ARSG: variants seen among roughly 807,000 people sequenced by gnomAD.
ARSG encodes the protein arylsulfatase G.
ARSG carries 37 observed loss-of-function variants against 50.5 expected under a neutral mutation model. The ratio of observed to expected loss-of-function variants is 0.73; its 90% CI spans 0.56 to 0.96. ARSG has a LOEUF of 0.96. Ranked by LOEUF, ARSG falls within the 50% of genes least tolerant of loss-of-function variation. The probability of loss-of-function intolerance (pLI) is 0.00; values close to 1 mark genes in which losing one functional copy is unlikely to be tolerated. For missense variants in ARSG, 629 were observed against 675.3 expected, an observed-to-expected ratio of 0.93 and a Z score of 0.76; for synonymous variants, 225 against 254.6, an observed-to-expected ratio of 0.88 and a Z score of 1.11.
intron 6 of ARSG, among the ~76,000 whole-genome samples, chr17:68,361,254 G>A (rs2079271973): frequency 6.6e-6 from 1 of 152,232 alleles, no homozygotes; most frequent in South Asian, 2.1e-4. Context: ...ATAAGATCAT[G>A]AGAGTGAAGC....
the ARSG span, among the ~76,000 whole-genome samples, chr17:68,451,459 A>T: frequency 1.3e-5 from 2 of 152,216 alleles, no homozygotes; most frequent in African/African-American, 4.8e-5. Flanking sequence ...AACACTAGTG[A>T]CTAGACTGCA....
chr17:68,392,697 G>A (rs533416760), intron 9 of ARSG, among the ~76,000 whole-genome samples: 9 of 152,140 alleles, frequency 5.9e-5, no homozygotes, highest in Admixed American at 1.3e-4. Flanking sequence ...ACAGGGTTTC[G>A]CCATGTTGGC....
Position 68,395,161 on chromosome 17 carries a change from G to A in ARSG, c.1180G>A (p.Val394Met), listed in dbSNP as rs754288324. The change falls in exon 10 of 12, where the codon GTG becomes ATG. Residue 394 changes from valine (V) to methionine (M), a missense_variant. Coordinates refer to ENST00000621439, the MANE Select transcript of ARSG (RefSeq NM_001267727.2). ...RRFDGVDVSE[V>M]LFGRSQPGHR... Reference sequence around the variant, plus strand: ...CTTTGATGGTGTGGACGTCTCCGAGGTGCTCTTTGGCCGGTCACAGCCTGG... The same window carrying A: ...CTTTGATGGTGTGGACGTCTCCGAGATGCTCTTTGGCCGGTCACAGCCTGG... 3.7e-6 allele frequency: 6 copies of A among 1,614,146 alleles called. No individual in the cohort carries two copies. Among genetic ancestry groups the A allele is most frequent in the Non-Finnish European group, 5.1e-6 (6 of 1,179,986 alleles).
chr17:68,436,641 G>A, the ARSG span, among the ~76,000 whole-genome samples: 6 of 152,172 alleles, frequency 3.9e-5, no homozygotes, highest in Non-Finnish European at 7.3e-5. Flanking sequence ...TCTGATTAAG[G>A]CTTCCAATAA....
chr17:68,304,077 A>AT (rs1165718483), intron 1 of ARSG, among the ~76,000 whole-genome samples: 3 of 152,058 alleles, frequency 2.0e-5, no homozygotes, highest in African/African-American at 4.8e-5. Context: ...TCTTAAGTGA[A>AT]TTTTTTTTCC....
chr17:68,290,502 AG>A (rs2075948739), upstream of ARSG, among the ~76,000 whole-genome samples: 1 of 152,204 alleles, frequency 6.6e-6, no homozygotes, highest in Non-Finnish European at 1.5e-5. Flanking sequence ...CTGACAGTCC[AG>A]GTGGAGGACC....
chr17:68,444,682 T>G, the ARSG span: 1 of 1,060,894 alleles, frequency 9.4e-7, no homozygotes, highest in Admixed American at 2.6e-5. Flanking sequence ...GAGTCCTAAC[T>G]TGATTCTAAG....
intron 1 of ARSG, among the ~76,000 whole-genome samples, chr17:68,298,664 G>C (rs1292115068): frequency 6.7e-6 from 1 of 149,036 alleles, no homozygotes; most frequent in Admixed American, 6.7e-5. Flanking sequence ...CAAAAATACA[G>C]CCCAAACAAC....
At chr17:68,341,946 A>G (rs2078287470) in intron 2 of ARSG, among the ~76,000 whole-genome samples, 1 of 151,948 alleles carries the variant, frequency 6.6e-6, no homozygotes, top group South Asian at 2.1e-4. Flanking sequence ...CAGCCTCCCA[A>G]GTAGCTGGGG....
the ARSG span, chr17:68,444,525 T>C: frequency 1.9e-6 from 3 of 1,614,042 alleles, no homozygotes; most frequent in Non-Finnish European, 2.5e-6. Context: ...CAGGAGGGTC[T>C]TCAACAGCTT....
Position 68,379,197 on chromosome 17 carries a change from T to A in ARSG, c.983-5867T>A, listed in dbSNP as rs140638358. 6.2e-3 allele frequency among the ~76,000 whole-genome samples: 943 copies of A among 152,256 alleles called. 11 individuals carry two copies. Among genetic ancestry groups the A allele is most frequent in the African/African-American group, 0.022 (902 of 41,552 alleles). On this transcript the variant is annotated intron_variant, in intron 8 of 11. Transcript: ENST00000621439. ...CTAGAAAACGAGTACACTGTAGGCATCCTTGGCAAGGGGACATACTACACT... is the reference window on the plus strand; with the variant it reads ...CTAGAAAACGAGTACACTGTAGGCAACCTTGGCAAGGGGACATACTACACT...
At chr17:68,433,776 T>G in the ARSG span, among the ~76,000 whole-genome samples, 53 of 63,134 alleles carry the variant, frequency 8.4e-4, no homozygotes, top group African/African-American at 2.2e-3. Context: ...TTTTTTTTTT[T>G]TTTTTTTTTT....
intron 1 of ARSG, among the ~76,000 whole-genome samples, chr17:68,296,303 G>A (rs1418155569): frequency 6.6e-6 from 1 of 152,128 alleles, no homozygotes; most frequent in Admixed American, 6.5e-5. Flanking sequence ...AAGGCCCAAT[G>A]AATAAAAACC....
chr17:68,335,832 G>A (rs1485868920), intron 2 of ARSG, among the ~76,000 whole-genome samples: 2 of 152,232 alleles, frequency 1.3e-5, no homozygotes, highest in African/African-American at 4.8e-5. Flanking sequence ...TGGTGTGTTG[G>A]AAGCAAAGGA....
At chr17:68,385,998 T>C (rs2080705333) in intron 9 of ARSG, among the ~76,000 whole-genome samples, 1 of 152,226 alleles carries the variant, frequency 6.6e-6, no homozygotes, top group African/African-American at 2.4e-5. Context: ...TGATGCTTCT[T>C]AATGAGCTGA....
At chr17:68,421,844 C>G, downstream of ARSG, 1 of 1,614,102 alleles carries the variant, frequency 6.2e-7, no homozygotes, top group East Asian at 2.2e-5. Flanking sequence ...AACAGAATGG[C>G]CTTACTCTTC....
chr17:68,318,837 AG>A (rs575910688), intron 2 of ARSG, among the ~76,000 whole-genome samples: 229 of 152,308 alleles, frequency 1.5e-3, no homozygotes, highest in African/African-American at 5.3e-3. Context: ...AGGGGCTCCC[AG>A]GGACTTGAGG....
At chr17:68,287,941 TTCTCTC>T (rs1240256594), upstream of ARSG, among the ~76,000 whole-genome samples, 1 of 151,116 alleles carries the variant, frequency 6.6e-6, no homozygotes, top group African/African-American at 2.4e-5. Context: ...TCTTCTTCTC[TTCTCTC>T]TCTCTTTCTC....
chr17:68,383,615 C>A (rs1450322839), intron 8 of ARSG, among the ~76,000 whole-genome samples: 14 of 152,264 alleles, frequency 9.2e-5, no homozygotes, highest in Admixed American at 9.2e-4. Flanking sequence ...TGAGCGGATG[C>A]TTCCTCCCTG....
Sources: gnomAD v4.1 joint callset for allele counts (sites outside exome capture counted in the v4.1 genomes callset) on GRCh38, gnomAD v4.1.1 for gene constraint, MANE v1.5 for transcripts, NCBI Gene and HGNC (gene_info 2026-07-23, HGNC 2026-07-21) for gene names.